AMZ2: variants seen among roughly 807,000 people sequenced by gnomAD.
The protein encoded by AMZ2 is archaemetzincin-2.
AMZ2 carries 26 observed loss-of-function variants against 36.7 expected under a neutral mutation model. That is an observed-to-expected ratio of 0.71 (90% CI 0.52 to 0.98). The LOEUF (loss-of-function observed/expected upper bound fraction) is 0.98. AMZ2 is among the 50% of genes least tolerant of loss of function. The pLI is 0.00. For synonymous variants in AMZ2, 144 were observed against 149.1 expected (o/e 0.97, Z 0.25); for missense variants, 394 against 430.5 (o/e 0.92, Z 0.75).
At chr17:68,243,059 A>AAG (rs2073935646), upstream of AMZ2, among the ~76,000 whole-genome samples, 1 of 151,884 alleles carries the variant, frequency 6.6e-6, no homozygotes, top group Non-Finnish European at 1.5e-5. Context: ...AAAAAAAAAA[A>AAG]AAATTACAAT....
chr17:68,248,037 T>C (rs1208385024), upstream of AMZ2: 5 of 986,248 alleles, frequency 5.1e-6, no homozygotes, highest in African/African-American at 5.2e-5. Flanking sequence ...GGGCGTGGCG[T>C]GGCGCAGTGC....
chr17:68,250,174 C>A lies in AMZ2; in HGVS notation c.1-14C>A, dbSNP rs2074338152. The A allele has an allele frequency of 6.2e-7, 1 of 1,602,678 alleles. No individual in the cohort carries two copies. The highest frequency in any genetic ancestry group is 8.5e-7 in the Non-Finnish European group (1 of 1,175,144). On this transcript the variant is annotated splice_polypyrimidine_tract_variant and intron_variant, in intron 1 of 6. Coordinates refer to ENST00000359904, the MANE Select transcript of AMZ2 (RefSeq NM_016627.5). ...ATGTATTTTTATATTTGATTACTTG[C>A]TTTTTTTTGTTAGATGCAAATAATA...
intron 1 of AMZ2, among the ~76,000 whole-genome samples, chr17:68,209,632 A>ATATATATTTTTT: frequency 3.3e-5 from 3 of 90,700 alleles, no homozygotes; most frequent in Non-Finnish European, 6.0e-5. Flanking sequence ...ATATATATAT[A>ATATATATTTTTT]TTTTTTTTTT....
At chr17:68,217,874 G>A (rs1229234726) in intron 1 of AMZ2, among the ~76,000 whole-genome samples, 4 of 147,262 alleles carry the variant, frequency 2.7e-5, no homozygotes, top group Admixed American at 6.9e-5. Flanking sequence ...GTACAGTGAC[G>A]TGATCTCAGC....
At chr17:68,251,381 C>G in intron 4 of AMZ2, 1 of 510,924 alleles carries the variant, frequency 2.0e-6, no homozygotes, top group South Asian at 2.4e-5. Flanking sequence ...CCTACAGGAC[C>G]TTAAAGGTAA....
intron 1 of AMZ2, among the ~76,000 whole-genome samples, chr17:68,214,688 C>CAAGA (rs1555726840): frequency 7.9e-5 from 12 of 152,006 alleles, no homozygotes; most frequent in Non-Finnish European, 1.6e-4. Flanking sequence ...ATCAGACTTT[C>CAAGA]TTGAGTCTGC....
chr17:68,221,276 T>G (rs1214611601), intron 1 of AMZ2, among the ~76,000 whole-genome samples: 5 of 142,420 alleles, frequency 3.5e-5, no homozygotes, highest in African/African-American at 1.3e-4. Flanking sequence ...ATTTATTTAT[T>G]TATTTAGTAG....
Position 68,213,186 on chromosome 17 carries a change from A to G in AMZ2, c.-67+6948A>G, listed in dbSNP as rs113563358. On this transcript the variant is annotated intron_variant, in intron 1 of 7. Transcript: ENST00000674770. ...TGGTGAAAAAAATGATTGCGGCTGC[A>G]AGCTGCATTTGCCAGACAATGGTTT... Among the ~76,000 whole-genome samples the G allele has an allele frequency of 3.9e-3, 600 of 152,348 alleles. 7 individuals are homozygous for G. The highest frequency in any genetic ancestry group is 0.017 in the South Asian group (81 of 4,826).
rs2074957618 is a variant in AMZ2, at chr17:68,256,958, C to T, written c.1072C>T (p.Leu358Phe). The T allele has an allele frequency of 6.2e-7, 1 of 1,612,358 alleles. No homozygotes were observed. The highest frequency in any genetic ancestry group is 8.5e-7 in the Non-Finnish European group (1 of 1,179,560). The change falls in exon 7 of 7, where the codon CTC becomes TTC. Residue 358 changes from leucine (L) to phenylalanine (F), a missense_variant. Physicochemically the swap from Leu to Phe is conservative, Grantham distance 22. Transcript: ENST00000359904. The stretch of plus-strand genomic sequence containing the variant: ...GTGGATAATAAAATGCCTGGCTGTT[C>T]TCCAAAAATGAGGACCTTCAAATAG... Reference protein sequence around the residue: ...KEWIIKCLAVLQK With the variant: ...KEWIIKCLAVFQK
upstream of AMZ2, among the ~76,000 whole-genome samples, chr17:68,244,750 ACTTTT>A (rs1176183505): frequency 3.3e-4 from 50 of 152,208 alleles, no homozygotes; most frequent in Admixed American, 1.8e-3. Context: ...TACTTTTGCC[ACTTTT>A]CTTTTAGCTA....
chr17:68,206,274 C>T (rs1277355987), intron 1 of AMZ2: 1 of 1,293,346 alleles, frequency 7.7e-7, no homozygotes, highest in East Asian at 2.9e-5. Flanking sequence ...GACTCCTTCC[C>T]CACCTCCTCT....
At chr17:68,224,157 G>A (rs1386994832) in intron 1 of AMZ2, among the ~76,000 whole-genome samples, 22 of 152,160 alleles carry the variant, frequency 1.4e-4, no homozygotes, top group Admixed American at 5.2e-4. Context: ...TGGCCAGGCC[G>A]GTCTCGAACT....
At chr17:68,246,925 G>A (rs1947829994), upstream of AMZ2, 1 of 152,330 alleles carries the variant, frequency 6.6e-6, no homozygotes, top group South Asian at 2.1e-4. Context: ...TAACAGGCCG[G>A]GCGCCGTGGC....
chr17:68,221,201 C>CG (rs2073348088), intron 1 of AMZ2, among the ~76,000 whole-genome samples: 2 of 77,920 alleles, frequency 2.6e-5, no homozygotes, highest in African/African-American at 9.2e-5. Context: ...CCTGCCTCAG[C>CG]CCTCAGCTCC....
At chr17:68,233,584 A>G (rs2073719361) in intron 1 of AMZ2, among the ~76,000 whole-genome samples, 2 of 151,480 alleles carry the variant, frequency 1.3e-5, no homozygotes, top group Admixed American at 6.6e-5. Flanking sequence ...CTATGAACCT[A>G]TGTCCCCAGC....
chr17:68,251,588 G>T (rs1422238825), intron 4 of AMZ2, among the ~76,000 whole-genome samples: 1 of 152,106 alleles, frequency 6.6e-6, no homozygotes, highest in Non-Finnish European at 1.5e-5. Context: ...GATTGCTTGA[G>T]CCCAGGAGGT....
At position 68,248,233 on chromosome 17, in the gene AMZ2, G is replaced by T. The variant is rs1439057115; in HGVS notation, c.-473G>T. ...GGATGAGGATGTAGGAGGGGCGGAC[G>T]TGGCGGAAGCCGCGGGGTCCGCGGG... On this transcript the variant is annotated 5_prime_UTR_variant, in exon 1 of 7. Transcript: ENST00000359904. 2 of 985,810 alleles carry T rather than the reference G, an allele frequency of 2.0e-6. No individual in the cohort carries two copies. Among genetic ancestry groups the T allele is most frequent in the Middle Eastern group, 5.2e-4 (1 of 1,936 alleles). 61.1% of individuals were successfully genotyped at this position (985,810 alleles called of 1,614,324 possible). A position where few individuals can be genotyped will look rare whatever the true frequency, so the allele number is the denominator to read the frequency against.
rs704475 is a variant in AMZ2 at position 68,256,968 on chromosome 17, G to A, written c.1082G>A (p.Ter361=). The part of the protein sequence containing the change: ...IIKCLAVLQK[*] ...AAATGCCTGGCTGTTCTCCAAAAATGAGGACCTTCAAATAGGAGTGATTGA... is the reference window on the plus strand; with the variant it reads ...AAATGCCTGGCTGTTCTCCAAAAATAAGGACCTTCAAATAGGAGTGATTGA... Residue 361 remains the stop codon, a stop_retained_variant, in exon 7 of 7, where the codon TGA becomes TAA. Coordinates refer to ENST00000359904, the MANE Select transcript of AMZ2 (RefSeq NM_016627.5). The A allele has an allele frequency of 5.0e-6, 8 of 1,612,996 alleles. No homozygotes were observed. Among genetic ancestry groups the A allele is most frequent in the Non-Finnish European group, 6.8e-6 (8 of 1,179,710 alleles).
intron 1 of AMZ2, among the ~76,000 whole-genome samples, chr17:68,211,310 G>A (rs1171404233): frequency 3.9e-5 from 6 of 151,956 alleles, no homozygotes; most frequent in African/African-American, 1.5e-4. Context: ...AGACCATCCT[G>A]GCTAACACAG....
Sources: gnomAD v4.1 joint callset for allele counts (sites outside exome capture counted in the v4.1 genomes callset) on GRCh38, gnomAD v4.1.1 for gene constraint, MANE v1.5 for transcripts, NCBI Gene and HGNC (gene_info 2026-07-23, HGNC 2026-07-21) for gene names.